STARD13: variants seen among roughly 807,000 people sequenced by gnomAD.
STARD13 encodes the protein stAR-related lipid transfer protein 13.
STARD13 carries 62 observed loss-of-function variants against 106.4 expected under a neutral mutation model. The observed-to-expected ratio is 0.58, with a 90% CI of 0.48 to 0.72. The LOEUF is 0.72. STARD13 is among the 30% of genes least tolerant of loss of function. The pLI is 0.00. For synonymous variants in STARD13, 565 were observed against 553.0 expected (o/e 1.02, Z -0.31); for missense variants, 1,387 against 1,424.0 (o/e 0.97, Z 0.42).
chr13:33,416,553 A>T, the STARD13 span, among the ~76,000 whole-genome samples: 1 of 152,212 alleles, frequency 6.6e-6, no homozygotes, highest in Non-Finnish European at 1.5e-5. Flanking sequence ...CTATTTTAAA[A>T]TTAAATCACA....
At chr13:33,503,002 C>T in the STARD13 span, among the ~76,000 whole-genome samples, 12 of 152,240 alleles carry the variant, frequency 7.9e-5, no homozygotes, top group Admixed American at 2.0e-4. Flanking sequence ...GCTATGAATC[C>T]GTCTGGTCTT....
chr13:33,414,724 C>T, the STARD13 span, among the ~76,000 whole-genome samples: 1 of 152,098 alleles, frequency 6.6e-6, no homozygotes, highest in Non-Finnish European at 1.5e-5. Context: ...TCTATCTTGA[C>T]TGTGTCAATG....
At chr13:33,596,453 G>C in the STARD13 span, among the ~76,000 whole-genome samples, 2 of 152,024 alleles carry the variant, frequency 1.3e-5, no homozygotes, top group Non-Finnish European at 2.9e-5. Context: ...CATATTTATG[G>C]GGTACGTGTG....
intron 5 of STARD13, among the ~76,000 whole-genome samples, chr13:33,127,839 AG>A (rs1877447673): frequency 3.0e-5 from 1 of 32,916 alleles, no homozygotes; most frequent in African/African-American, 6.2e-5. Context: ...GTTGAGAGCA[AG>A]CTGAGACAGT....
the STARD13 span, among the ~76,000 whole-genome samples, chr13:33,447,265 A>G: frequency 1.3e-5 from 2 of 152,242 alleles, no homozygotes; most frequent in Admixed American, 6.5e-5. Flanking sequence ...CTAGGCAAAT[A>G]CTTACTAGTC....
At chr13:33,198,581 C>T (rs1886802149) in intron 1 of STARD13, among the ~76,000 whole-genome samples, 1 of 152,070 alleles carries the variant, frequency 6.6e-6, no homozygotes. Flanking sequence ...CTGTTTTATT[C>T]CTTCTCTTTA....
chr13:33,205,661 T>C (rs1887365664), intron 1 of STARD13, among the ~76,000 whole-genome samples: 1 of 152,240 alleles, frequency 6.6e-6, no homozygotes, highest in Non-Finnish European at 1.5e-5. Flanking sequence ...CACTGCTTTT[T>C]AATTTTAAAT....
the STARD13 span, among the ~76,000 whole-genome samples, chr13:33,400,740 G>A: frequency 6.6e-6 from 1 of 152,190 alleles, no homozygotes; most frequent in African/African-American, 2.4e-5. Flanking sequence ...TGGGATTACA[G>A]GCGTGAACCA....
chr13:33,527,313 T>A, the STARD13 span, among the ~76,000 whole-genome samples: 1 of 151,914 alleles, frequency 6.6e-6, no homozygotes, highest in Non-Finnish European at 1.5e-5. Context: ...CCAGACCCCT[T>A]CCCCCACACA....
intron 1 of STARD13, chr13:33,186,205 T>G: frequency 1.6e-6 from 1 of 644,680 alleles, no homozygotes; most frequent in Non-Finnish European, 2.5e-6. Context: ...CACCAAAGAT[T>G]TGCATCACAG....
chr13:33,146,254 G>A lies in STARD13; in HGVS notation c.324-3881C>T, dbSNP rs533058882. Among the ~76,000 whole-genome samples, 24 of 152,234 alleles carry A rather than the reference G, an allele frequency of 1.6e-4. No individual in the cohort carries two copies. In the South Asian group the frequency reaches 3.5e-3, roughly 22 times the overall value. ...CAGGAGAATTGCTTGAACCCGGGAG[G>A]CGGAGGTTGCAGCGAGCCGAGATTG... On this transcript the variant is annotated intron_variant, in intron 3 of 13. Coordinates refer to ENST00000336934, the MANE Select transcript of STARD13 (RefSeq NM_178006.4).
chr13:33,123,622 A>G (rs1876697850), intron 7 of STARD13, among the ~76,000 whole-genome samples: 1 of 152,214 alleles, frequency 6.6e-6, no homozygotes, highest in Non-Finnish European at 1.5e-5. Flanking sequence ...TCTGAATACA[A>G]ATGGTTCATA....
chr13:33,613,681 G>A, the STARD13 span, among the ~76,000 whole-genome samples: 1 of 152,322 alleles, frequency 6.6e-6, no homozygotes, highest in East Asian at 1.9e-4. Context: ...ACTCTTGAAG[G>A]AGTGAGAGAA....
intron 7 of STARD13, among the ~76,000 whole-genome samples, chr13:33,123,484 G>A (rs559542350): frequency 6.6e-5 from 10 of 152,320 alleles, no homozygotes; most frequent in Admixed American, 5.9e-4. Flanking sequence ...AGCATTGCAG[G>A]TTCAGCCTCT....
chr13:33,479,230 G>A, the STARD13 span, among the ~76,000 whole-genome samples: 4 of 152,158 alleles, frequency 2.6e-5, no homozygotes, highest in Non-Finnish European at 5.9e-5. Context: ...AACTTTAATA[G>A]CATTCTCTTT....
intron 1 of STARD13, among the ~76,000 whole-genome samples, chr13:33,195,484 C>A (rs1395170218): frequency 6.6e-6 from 1 of 152,184 alleles, no homozygotes; most frequent in African/African-American, 2.4e-5. Context: ...ATCAGTAAGC[C>A]TGTGTGGTGT....
intron 3 of STARD13, among the ~76,000 whole-genome samples, chr13:33,148,538 A>G (rs768807583): frequency 6.6e-6 from 1 of 152,226 alleles, no homozygotes; most frequent in Non-Finnish European, 1.5e-5. Flanking sequence ...ATACAACCAC[A>G]TATCTAAGGT....
At chr13:33,120,991 T>G (rs899947368) in intron 7 of STARD13, among the ~76,000 whole-genome samples, 1 of 152,152 alleles carries the variant, frequency 6.6e-6, no homozygotes, top group South Asian at 2.1e-4. Flanking sequence ...TCCACCCACC[T>G]TGGCCTCCCA....
At chr13:33,138,901 C>T (rs2858805) in intron 4 of STARD13, 24 of 465,756 alleles carry the variant, frequency 5.2e-5, no homozygotes, top group Middle Eastern at 3.3e-4. Flanking sequence ...GGGAGGGTAG[C>T]GGTGTTGTCA....
Sources: allele counts gnomAD v4.1 joint callset (sites outside exome capture counted in the v4.1 genomes callset), GRCh38; gene constraint gnomAD v4.1.1; transcripts MANE v1.5; gene names NCBI Gene and HGNC (gene_info 2026-07-23, HGNC 2026-07-21).